Variants in LRTM3 observed in about 807,000 individuals in gnomAD.
LRTM3 encodes leucine rich repeat transmembrane protein 3.
At chr13:102,749,895 T>C in the LRTM3 span, 92 of 1,551,390 alleles carry the variant, frequency 5.9e-5, no homozygotes, top group Non-Finnish European at 7.8e-5. Flanking sequence ...TAAGTAGTTC[T>C]GCTCCCTAAC....
chr13:102,745,424 G>T, the LRTM3 span: 1 of 1,550,822 alleles, frequency 6.4e-7, no homozygotes, highest in Non-Finnish European at 8.7e-7. Context: ...AGTCAGGAAA[G>T]CATATGTTTC....
the LRTM3 span, chr13:102,734,133 G>A: frequency 2.1e-5 from 32 of 1,551,448 alleles, no homozygotes; most frequent in South Asian, 2.5e-4. Flanking sequence ...TTTGCATTAA[G>A]GATATGTGAC....
chr13:102,734,342 A>C, the LRTM3 span: 50 of 1,551,270 alleles, frequency 3.2e-5, no homozygotes, highest in Non-Finnish European at 4.0e-5. Context: ...CTTACCTCCA[A>C]GCCTTTCTTC....
the LRTM3 span, chr13:102,743,405 AT>A: frequency 6.4e-7 from 1 of 1,550,434 alleles, no homozygotes; most frequent in African/African-American, 1.4e-5. Flanking sequence ...ACCTTGCCAC[AT>A]TGCTTTCAGT....
At chr13:102,730,674 G>A in the LRTM3 span, 1 of 1,551,950 alleles carries the variant, frequency 6.4e-7, no homozygotes. Context: ...AAAGAAATAT[G>A]TTGTTCTAAC....
At chr13:102,745,164 C>G in the LRTM3 span, 1 of 1,550,772 alleles carries the variant, frequency 6.4e-7, no homozygotes, top group East Asian at 2.4e-5. Flanking sequence ...TTGTGAAAGT[C>G]AAGATCCTTC....
chr13:102,758,554 C>T, the LRTM3 span: 23 of 1,547,826 alleles, frequency 1.5e-5, no homozygotes, highest in South Asian at 2.4e-4. Context: ...AAGTTTCCTG[C>T]TTTTGGGGCA....
chr13:102,740,292 T>C, the LRTM3 span: 2 of 1,550,246 alleles, frequency 1.3e-6, no homozygotes, highest in East Asian at 2.4e-5. Context: ...TCTTGTTTTT[T>C]CATCTGCCTT....
the LRTM3 span, chr13:102,739,190 A>G: frequency 1.3e-6 from 2 of 1,549,812 alleles, no homozygotes; most frequent in Non-Finnish European, 8.7e-7. Flanking sequence ...CATTTTCTCT[A>G]GTTTTTTATT....
At chr13:102,755,963 T>TATATA in the LRTM3 span, among the ~76,000 whole-genome samples, 2 of 93,120 alleles carry the variant, frequency 2.1e-5, no homozygotes, top group Admixed American at 1.0e-4. Flanking sequence ...ATATATATAT[T>TATATA]TTTTTTTTTT....
the LRTM3 span, chr13:102,734,225 G>C: frequency 6.4e-7 from 1 of 1,551,304 alleles, no homozygotes; most frequent in Non-Finnish European, 8.7e-7. Flanking sequence ...TTCTTTCTGT[G>C]ACCTATGTGG....
At chr13:102,732,906 A>G in the LRTM3 span, 2 of 1,551,418 alleles carry the variant, frequency 1.3e-6, no homozygotes, top group Non-Finnish European at 1.7e-6. Flanking sequence ...AGATCCCCTG[A>G]TTGAAATTGA....
the LRTM3 span, chr13:102,732,699 T>C: frequency 1.3e-6 from 2 of 1,551,216 alleles, no homozygotes; most frequent in Non-Finnish European, 1.7e-6. Context: ...CTTGTGTCCA[T>C]TCTTCCTCTC....
At chr13:102,733,117 T>A in the LRTM3 span, 3 of 1,551,478 alleles carry the variant, frequency 1.9e-6, no homozygotes, top group Non-Finnish European at 2.6e-6. Context: ...TCTTCTGCTT[T>A]CCACTTTGAA....
the LRTM3 span, chr13:102,749,474 TTAACCTTGTTTGAATCTA>T: frequency 1.3e-6 from 2 of 1,551,400 alleles, no homozygotes; most frequent in South Asian, 1.2e-5. Flanking sequence ...AATTGAATAT[TTAACCTTGTTTGAATCTA>T]TAAACCAAAC....
the LRTM3 span, chr13:102,737,376 T>C: frequency 4.5e-6 from 7 of 1,550,786 alleles, no homozygotes; most frequent in Non-Finnish European, 6.1e-6. Flanking sequence ...TCATAACAAG[T>C]TAGAGAAGAC....
chr13:102,741,322 G>T, the LRTM3 span: 3 of 1,549,678 alleles, frequency 1.9e-6, no homozygotes, highest in South Asian at 1.2e-5. Context: ...AGTGAAGAGG[G>T]TCCTTACTGA....
At chr13:102,735,572 A>C in the LRTM3 span, 26 of 1,551,100 alleles carry the variant, frequency 1.7e-5, no homozygotes, top group Non-Finnish European at 2.2e-5. Context: ...GGTATTGAGT[A>C]TATCTGAGAG....
the LRTM3 span, chr13:102,733,670 T>G: frequency 1.6e-5 from 25 of 1,551,220 alleles, no homozygotes; most frequent in Non-Finnish European, 5.2e-6. Context: ...AAAGAGCCAT[T>G]CCGGCCTTTT....
Sources: gnomAD v4.1 joint callset for allele counts (sites outside exome capture counted in the v4.1 genomes callset) on GRCh38, gnomAD v4.1.1 for gene constraint, MANE v1.5 for transcripts, NCBI Gene and HGNC (gene_info 2026-07-23, HGNC 2026-07-21) for gene names.